DLGAP1: variants seen among roughly 807,000 people sequenced by gnomAD.
DLGAP1 encodes DLG associated protein 1.
A neutral mutation model predicts 90.8 loss-of-function variants in DLGAP1; 11 were observed. That is an observed-to-expected ratio of 0.12 (90% CI 0.08 to 0.20). The LOEUF is 0.20. DLGAP1 is among the 10% of genes least tolerant of loss of function. The pLI, the probability that DLGAP1 is intolerant of heterozygous loss-of-function variation, is 1.00. For missense variants in DLGAP1, 1,050 were observed against 1,333.8 expected (o/e 0.79, Z 3.31); for synonymous variants, 558 against 540.7 (o/e 1.03, Z -0.44).
At chr18:4,133,735 C>T (rs1301916453) in intron 2 of DLGAP1, among the ~76,000 whole-genome samples, 1 of 152,122 alleles carries the variant, frequency 6.6e-6, no homozygotes, top group African/African-American at 2.4e-5. Flanking sequence ...AAGGATTCAA[C>T]AAATACTATT....
chr18:4,392,080 A>G (rs1432601486), intron 1 of DLGAP1, among the ~76,000 whole-genome samples: 1 of 152,192 alleles, frequency 6.6e-6, no homozygotes, highest in East Asian at 1.9e-4. Context: ...TCCCCTGACG[A>G]AAGTGGGTCA....
Position 4,210,274 on chromosome 18 carries a change from T to C in DLGAP1, c.-266-58987A>G, listed in dbSNP as rs16946275. Among the ~76,000 whole-genome samples the C allele has an allele frequency of 3.2e-3, 495 of 152,316 alleles. 2 individuals are homozygous for C. The highest frequency in any genetic ancestry group is 0.011 in the African/African-American group (468 of 41,576). On this transcript the variant is annotated intron_variant, in intron 1 of 12. Coordinates refer to ENST00000315677, the MANE Select transcript of DLGAP1 (RefSeq NM_004746.4). ...TCAAGAGTATGGTCATTAAAAGGTG[T>C]TGTGTAGTATCTGATGAATAAATGA... is the stretch of plus-strand genomic sequence containing the variant.
chr18:4,291,840 T>C (rs1263169270), intron 1 of DLGAP1, among the ~76,000 whole-genome samples: 2 of 152,120 alleles, frequency 1.3e-5, no homozygotes, highest in African/African-American at 4.8e-5. Context: ...GAAGCATCGA[T>C]CTTGAAGGAA....
At chr18:4,434,991 A>G (rs970274137) in intron 1 of DLGAP1, among the ~76,000 whole-genome samples, 1 of 152,246 alleles carries the variant, frequency 6.6e-6, no homozygotes, top group African/African-American at 2.4e-5. Flanking sequence ...GAGAGACTTT[A>G]AATGGCACAC....
intron 10 of DLGAP1, among the ~76,000 whole-genome samples, chr18:3,518,613 GT>G (rs1279356103): frequency 1.3e-5 from 2 of 152,138 alleles, no homozygotes; most frequent in Admixed American, 6.5e-5. Context: ...AAGTGTAGGT[GT>G]GGGGTCAGGA....
At chr18:4,263,430 T>G (rs1049701540) in intron 1 of DLGAP1, among the ~76,000 whole-genome samples, 2 of 152,184 alleles carry the variant, frequency 1.3e-5, no homozygotes, top group African/African-American at 4.8e-5. Context: ...TAAAATTTGT[T>G]TGAAGTGATA....
chr18:3,515,866 CT>C (rs1433075343), intron 10 of DLGAP1, among the ~76,000 whole-genome samples: 2 of 151,706 alleles, frequency 1.3e-5, no homozygotes, highest in Admixed American at 6.6e-5. Context: ...ATTCTAAAGC[CT>C]TTGTGGTCAT....
At chr18:3,628,909 T>A (rs1456611080) in intron 7 of DLGAP1, among the ~76,000 whole-genome samples, 5 of 152,222 alleles carry the variant, frequency 3.3e-5, no homozygotes, top group African/African-American at 9.6e-5. Flanking sequence ...TATTTAGGGT[T>A]TTTTTGGTAT....
At chr18:3,600,811 T>TATATAGATATATAG (rs1568278344) in intron 7 of DLGAP1, among the ~76,000 whole-genome samples, 1 of 93,256 alleles carries the variant, frequency 1.1e-5, no homozygotes, top group African/African-American at 6.0e-5. Context: ...GATATATAGA[T>TATATAGATATATAG]ATATATAGAT....
chr18:4,150,617 G>T (rs2076659521), intron 2 of DLGAP1, among the ~76,000 whole-genome samples: 1 of 152,002 alleles, frequency 6.6e-6, no homozygotes, highest in Admixed American at 6.6e-5. Context: ...TATTTTTAGT[G>T]GAGATGGGGT....
chr18:3,776,000 A>G lies in DLGAP1; in HGVS notation c.1173-33488T>C, dbSNP rs1360412931. Among the ~76,000 whole-genome samples, 1 of 152,118 alleles carries G rather than the reference A, an allele frequency of 6.6e-6. No homozygotes were observed. The highest frequency in any genetic ancestry group is 2.1e-4 in the South Asian group (1 of 4,826). Reference sequence around the variant, plus strand: ...AGAACGAATGCCCATGTCACTGTACATTCTGCCAAGACACTCAGCCCTCAA... The same window carrying G: ...AGAACGAATGCCCATGTCACTGTACGTTCTGCCAAGACACTCAGCCCTCAA... On this transcript the variant is annotated intron_variant, in intron 5 of 12. Coordinates refer to ENST00000315677, the MANE Select transcript of DLGAP1 (RefSeq NM_004746.4). This position sits in a 1 kb window ranked among gnomAD's most constrained non-coding sequence, Gnocchi z 4.9.
intron 2 of DLGAP1, among the ~76,000 whole-genome samples, chr18:4,033,576 C>T (rs908963594): frequency 2.0e-5 from 3 of 152,084 alleles, no homozygotes; most frequent in Non-Finnish European, 4.4e-5. Context: ...AAATGGCTCA[C>T]CACATTTACA....
intron 1 of DLGAP1, among the ~76,000 whole-genome samples, chr18:4,379,618 A>G (rs1178975274): frequency 1.3e-5 from 2 of 152,146 alleles, no homozygotes; most frequent in African/African-American, 2.4e-5. Context: ...AGCAACTTTC[A>G]CTTGTGAAAC....
At chr18:4,157,241 T>G (rs2076772393) in intron 1 of DLGAP1, among the ~76,000 whole-genome samples, 1 of 152,202 alleles carries the variant, frequency 6.6e-6, no homozygotes, top group Non-Finnish European at 1.5e-5. Context: ...GTAACAAGCA[T>G]CATTTGTTTT....
intron 2 of DLGAP1, among the ~76,000 whole-genome samples, chr18:4,032,838 T>G (rs2074819495): frequency 1.3e-5 from 2 of 152,172 alleles, no homozygotes; most frequent in African/African-American, 4.8e-5. Flanking sequence ...TCTGTCTCTG[T>G]CTCTCCGTCT....
Position 4,408,870 on chromosome 18 carries a change from G to T in DLGAP1, c.-267+46136C>A, listed in dbSNP as rs138481111. Among the ~76,000 whole-genome samples, 1,217 of 151,890 alleles carry T rather than the reference G, an allele frequency of 8.0e-3. 11 individuals carry two copies. The highest frequency in any genetic ancestry group is 0.013 in the Non-Finnish European group (888 of 67,970). On this transcript the variant is annotated intron_variant, in intron 1 of 12. Transcript: ENST00000315677. ...TCACTGTCAAATAAGAATATTTCTG[G>T]GGTTAATTTGACAACATCTAGGAAA... is the stretch of plus-strand genomic sequence containing the variant.
At chr18:3,507,409 C>T (rs532603476) in intron 11 of DLGAP1, among the ~76,000 whole-genome samples, 170 of 151,706 alleles carry the variant, frequency 1.1e-3, no homozygotes, top group African/African-American at 4.0e-3. Context: ...CCCAGCTACT[C>T]GGAGGCTGAG....
intron 1 of DLGAP1, among the ~76,000 whole-genome samples, chr18:4,168,475 TCAC>T (rs915484845): frequency 1.4e-4 from 21 of 152,172 alleles, no homozygotes; most frequent in Non-Finnish European, 7.4e-5. Context: ...TGTTGTACAG[TCAC>T]CACCACTATC....
rs375015634 is a variant in DLGAP1 at position 3,909,904 on chromosome 18, C to T, written c.-72-29764G>A. Among the ~76,000 whole-genome samples the T allele has an allele frequency of 2.0e-5, 3 of 152,084 alleles. 1 individual carries two copies. Among genetic ancestry groups the T allele is most frequent in the Admixed American group, 1.3e-4 (2 of 15,256 alleles). On this transcript the variant is annotated intron_variant, in intron 3 of 12. Transcript: ENST00000315677. ...AATTTTGAGTTTTTGAGAAAAAATA[C>T]ACTCCCCACAACCTATTTTTAAGTC...
Sources: gnomAD v4.1 joint callset for allele counts (sites outside exome capture counted in the v4.1 genomes callset) on GRCh38, gnomAD v4.1.1 for gene constraint, Gnocchi (gnomAD v3.1) non-coding constraint, MANE v1.5 for transcripts, NCBI Gene and HGNC (gene_info 2026-07-23, HGNC 2026-07-21) for gene names.